The following SRPK2 variants were observed in gnomAD, a reference collection of about 807,000 sequenced individuals.
SRPK2 encodes the protein SFRS protein kinase 2.
Under a neutral mutation model 90.8 loss-of-function variants are expected in SRPK2, and 21 were observed. The observed-to-expected ratio is 0.23, with a 90% CI of 0.16 to 0.33. The LOEUF (loss-of-function observed/expected upper bound fraction) is 0.33. Among genes scored for constraint, SRPK2 ranks in the 10% least tolerant of loss-of-function variants. SRPK2 has a pLI of 1.00. For synonymous variants in SRPK2, 288 were observed against 311.1 expected, an observed-to-expected ratio of 0.93 and a Z score of 0.78; for missense variants, 620 against 869.0, an observed-to-expected ratio of 0.71 and a Z score of 3.60.
intron 2 of SRPK2, among the ~76,000 whole-genome samples, chr7:105,362,262 C>A (rs1265310834): frequency 6.6e-6 from 1 of 152,120 alleles, no homozygotes; most frequent in Admixed American, 6.6e-5. Flanking sequence ...AAATGCAAAT[C>A]AAAACCACAA....
chr7:105,263,324 A>G (rs1354414915), intron 2 of SRPK2, among the ~76,000 whole-genome samples: 1 of 148,962 alleles, frequency 6.7e-6, no homozygotes, highest in Non-Finnish European at 1.5e-5. Flanking sequence ...CTCCATTTCA[A>G]AAAAAAAAAA....
chr7:105,168,308 AT>A (rs1790350813), intron 4 of SRPK2, among the ~76,000 whole-genome samples: 1 of 152,228 alleles, frequency 6.6e-6, no homozygotes, highest in African/African-American at 2.4e-5. Flanking sequence ...GTTGCACAAG[AT>A]TATTTAAAAT....
At chr7:105,385,126 C>T (rs1821391589) in intron 2 of SRPK2, among the ~76,000 whole-genome samples, 1 of 148,528 alleles carries the variant, frequency 6.7e-6, no homozygotes, top group East Asian at 2.0e-4. Flanking sequence ...CCCGCCTCGG[C>T]CTCCCAAAGT....
At position 105,132,801 on chromosome 7, in the gene SRPK2, G is replaced by A. The variant is rs1432441754; in HGVS notation, c.1742C>T (p.Thr581Met). The change falls in exon 13 of 16, where the codon ACG (threonine) becomes ATG (methionine). Residue 581 changes from threonine (T) to methionine (M), a missense_variant. Physicochemically the swap from Thr to Met is moderately conservative, Grantham distance 81 (BLOSUM62 -1). This residue lies in a region of SRPK2 where 9 missense variants were observed against 16.6 expected (regional missense o/e 0.54). Coordinates refer to ENST00000393651, the MANE Select transcript of SRPK2 (RefSeq NM_182692.3). The part of the protein sequence containing the change: ...GYSTPADIWS[T>M]ACMAFELATG... ...CACAGCCGTCCTTACCATACACGCC[G>A]TGCTCCAGATGTCCGCAGGGGTGCT... is the stretch of plus-strand genomic sequence containing the variant. 1.4e-5 allele frequency: 22 copies of A among 1,607,900 alleles called. No individual in the cohort carries two copies. The highest frequency in any genetic ancestry group is 3.3e-5 in the South Asian group (3 of 90,194).
intron 2 of SRPK2, chr7:105,245,113 AT>A: frequency 1.6e-6 from 1 of 612,872 alleles, no homozygotes; most frequent in Non-Finnish European, 2.9e-6. Flanking sequence ...TGGGAAAGAA[AT>A]AAAAATCTTT....
intron 7 of SRPK2, among the ~76,000 whole-genome samples, chr7:105,147,538 C>T (rs1472774484): frequency 6.6e-6 from 1 of 151,998 alleles, no homozygotes; most frequent in Non-Finnish European, 1.5e-5. Flanking sequence ...CCAGTGGTCT[C>T]GAACTCCTGA....
chr7:105,269,224 T>C (rs915450158), intron 2 of SRPK2: 2 of 427,450 alleles, frequency 4.7e-6, no homozygotes, highest in Non-Finnish European at 6.2e-6. Flanking sequence ...ATATACTAGA[T>C]AATTTGAGAA....
chr7:105,327,062 CG>C, intron 2 of SRPK2, among the ~76,000 whole-genome samples: 2 of 105,388 alleles, frequency 1.9e-5, no homozygotes, highest in South Asian at 6.6e-4. Context: ...AGCAAAACTC[CG>C]TATCAAAAAA....
At chr7:105,351,528 C>A (rs369284831) in intron 2 of SRPK2, among the ~76,000 whole-genome samples, 2 of 151,504 alleles carry the variant, frequency 1.3e-5, no homozygotes, top group African/African-American at 4.9e-5. Flanking sequence ...ACCGGCCGGG[C>A]GCAGTAGCTC....
chr7:105,152,202 T>C (rs1805795859), intron 7 of SRPK2, among the ~76,000 whole-genome samples: 3 of 152,052 alleles, frequency 2.0e-5, no homozygotes, highest in South Asian at 4.1e-4. Flanking sequence ...CAGGCTGGAG[T>C]GCAGTGGCAC....
At chr7:105,150,496 A>G (rs1805482766) in intron 7 of SRPK2, among the ~76,000 whole-genome samples, 1 of 152,256 alleles carries the variant, frequency 6.6e-6, no homozygotes, top group Non-Finnish European at 1.5e-5. Context: ...AACCTAGGCG[A>G]CAGAATAAAA....
At chr7:105,211,886 C>A (rs1346945928) in intron 2 of SRPK2, among the ~76,000 whole-genome samples, 1 of 152,160 alleles carries the variant, frequency 6.6e-6, no homozygotes, top group African/African-American at 2.4e-5. Flanking sequence ...GTAAATCAGA[C>A]CTGCTTCCCA....
intron 13 of SRPK2, among the ~76,000 whole-genome samples, chr7:105,128,735 T>C (rs1487441011): frequency 6.6e-6 from 1 of 152,208 alleles, no homozygotes; most frequent in Non-Finnish European, 1.5e-5. Context: ...TCTTTTTCTT[T>C]CATATTTTTT....
chr7:105,218,903 G>GAA (rs144923730), intron 2 of SRPK2, among the ~76,000 whole-genome samples: 5 of 150,616 alleles, frequency 3.3e-5, no homozygotes, highest in African/African-American at 4.9e-5. Context: ...ACAAATAAAA[G>GAA]AAAAAAAATC....
chr7:105,221,925 T>C (rs1798146837), intron 2 of SRPK2, among the ~76,000 whole-genome samples: 1 of 152,182 alleles, frequency 6.6e-6, no homozygotes, highest in African/African-American at 2.4e-5. Flanking sequence ...ATAACTCCAT[T>C]TATTTCCTCT....
rs368475544 is a variant in SRPK2, at chr7:105,365,959, A to AT, written c.71+22688dup. Reference sequence around the variant, plus strand: ...AACCGCTGCCTCCAGGGTTCAAGTGATTCTCCTGCCTCAGCCTCCCAAGTA... The same window carrying AT: ...AACCGCTGCCTCCAGGGTTCAAGTGATTTCTCCTGCCTCAGCCTCCCAAGTA... On this transcript the variant is annotated intron_variant, in intron 2 of 15. Coordinates refer to ENST00000393651, the MANE Select transcript of SRPK2 (RefSeq NM_182692.3). Among the ~76,000 whole-genome samples, 707 of 151,282 alleles carry AT rather than the reference A, an allele frequency of 4.7e-3. 10 individuals carry two copies. The East Asian group carries it at 0.055, about 12-fold the overall frequency.
chr7:105,314,992 A>G (rs1334696543), intron 2 of SRPK2, among the ~76,000 whole-genome samples: 1 of 152,176 alleles, frequency 6.6e-6, no homozygotes, highest in Admixed American at 6.5e-5. Context: ...GAAACAATTT[A>G]TGAGCTGGGT....
intron 2 of SRPK2, among the ~76,000 whole-genome samples, chr7:105,361,393 T>C (rs1818407422): frequency 6.6e-6 from 1 of 152,146 alleles, no homozygotes; most frequent in African/African-American, 2.4e-5. Context: ...AAAATGGCCA[T>C]ACAGCCCAAG....
chr7:105,290,149 C>T lies in SRPK2; in HGVS notation c.72-86364G>A, dbSNP rs1808763144. Among the ~76,000 whole-genome samples, 4 of 150,250 alleles carry T rather than the reference C, an allele frequency of 2.7e-5. 1 individual carries two copies. In the South Asian group the frequency reaches 6.3e-4, roughly 24 times the overall value. ...AATCACAGATATACAATGAAAACTT[C>T]TGAAATACTTCAAGAATTACCAAAC... is the stretch of plus-strand genomic sequence containing the variant. On this transcript the variant is annotated intron_variant, in intron 2 of 15. Transcript: ENST00000393651.
Sources: allele counts gnomAD v4.1 joint callset (sites outside exome capture counted in the v4.1 genomes callset), GRCh38; gene constraint gnomAD v4.1.1; regional missense constraint gnomAD v4.1.1; transcripts MANE v1.5; gene names NCBI Gene and HGNC (gene_info 2026-07-23, HGNC 2026-07-21).